PTPRD: variants seen among roughly 807,000 people sequenced by gnomAD.
PTPRD encodes the protein protein tyrosine phosphatase receptor type D.
A neutral mutation model predicts 214.5 loss-of-function variants in PTPRD; 34 were observed. The ratio of observed to expected loss-of-function variants is 0.16; its 90% confidence interval spans 0.12 to 0.21. The LOEUF is 0.21. PTPRD is among the 10% of genes least tolerant of loss of function. The probability of loss-of-function intolerance (pLI) is 1.00; values close to 1 mark genes in which losing one functional copy is unlikely to be tolerated. For missense variants in PTPRD, 2,545 were observed against 2,398.7 expected, an observed-to-expected ratio of 1.06 and a Z score of -1.27; for synonymous variants, 1,128 against 845.7, an observed-to-expected ratio of 1.33 and a Z score of -5.79.
At chr9:9,892,230 G>A (rs926842418) in intron 5 of PTPRD, among the ~76,000 whole-genome samples, 9 of 152,158 alleles carry the variant, frequency 5.9e-5, no homozygotes, top group African/African-American at 2.2e-4. Flanking sequence ...AATAAAGGAG[G>A]AAAGGAATGG....
At chr9:10,438,297 A>C (rs1046331086) in intron 2 of PTPRD, among the ~76,000 whole-genome samples, 6 of 151,572 alleles carry the variant, frequency 4.0e-5, no homozygotes, top group African/African-American at 1.5e-4. Context: ...TGGAATTATA[A>C]GGGTTCCATT....
chr9:10,024,815 G>A (rs1481849695), intron 4 of PTPRD, among the ~76,000 whole-genome samples: 131 of 122,418 alleles, frequency 1.1e-3, no homozygotes, highest in African/African-American at 4.1e-3. Flanking sequence ...AGTGTGTGAT[G>A]TTCCCCTTCC....
intron 11 of PTPRD, among the ~76,000 whole-genome samples, chr9:8,867,565 A>T (rs1165307900): frequency 3.9e-5 from 6 of 152,140 alleles, no homozygotes; most frequent in Non-Finnish European, 7.3e-5. Flanking sequence ...TAATCCTTGC[A>T]CCCACCGTTC....
chr9:8,353,817 AATATATGTATATATGTATATATGT>A (rs200865664), intron 39 of PTPRD, among the ~76,000 whole-genome samples: 59,042 of 97,746 alleles, frequency 0.6, 17,757 homozygotes, highest in Non-Finnish European at 0.69. Context: ...CTCAAAAAAA[AATATATGTATATATGTATATATGT>A]ATATATGTAT....
At chr9:10,380,513 T>C (rs1416153563) in intron 2 of PTPRD, among the ~76,000 whole-genome samples, 2 of 152,074 alleles carry the variant, frequency 1.3e-5, no homozygotes, top group Non-Finnish European at 2.9e-5. Context: ...CATAGTACCC[T>C]TCACTAATCA....
At chr9:10,345,678 T>G (rs924987827) in intron 2 of PTPRD, among the ~76,000 whole-genome samples, 5 of 152,192 alleles carry the variant, frequency 3.3e-5, no homozygotes, top group African/African-American at 4.8e-5. Flanking sequence ...TGGACATTTG[T>G]GTTGGTTCCA....
intron 3 of PTPRD, among the ~76,000 whole-genome samples, chr9:10,047,360 G>C (rs2097425977): frequency 6.6e-6 from 1 of 151,284 alleles, no homozygotes; most frequent in South Asian, 2.1e-4. Context: ...GTGCTTGTGT[G>C]ATAATGCCTG....
chr9:9,598,869 A>C (rs750653875), intron 7 of PTPRD, among the ~76,000 whole-genome samples: 19 of 151,930 alleles, frequency 1.3e-4, no homozygotes, highest in Non-Finnish European at 2.4e-4. Flanking sequence ...ATTTTGGCCA[A>C]AGATTTCCTT....
chr9:9,447,430 G>A (rs746991250), intron 8 of PTPRD, among the ~76,000 whole-genome samples: 59 of 118,186 alleles, frequency 5.0e-4, no homozygotes, highest in Non-Finnish European at 8.7e-4. Flanking sequence ...ACTAAATACC[G>A]TATGTTCTCA....
chr9:10,508,459 G>A (rs2046830499), intron 2 of PTPRD, among the ~76,000 whole-genome samples: 1 of 152,094 alleles, frequency 6.6e-6, no homozygotes, highest in African/African-American at 2.4e-5. Context: ...TATACCCAAA[G>A]GATTATAAAT....
At chr9:9,195,252 A>C (rs562590353) in intron 9 of PTPRD, among the ~76,000 whole-genome samples, 4 of 152,136 alleles carry the variant, frequency 2.6e-5, no homozygotes, top group African/African-American at 9.6e-5. Context: ...TGGAATCTCA[A>C]TTTCAGCATG....
intron 15 of PTPRD, chr9:8,528,261 CAG>C: frequency 2.4e-6 from 1 of 421,948 alleles, no homozygotes; most frequent in Non-Finnish European, 4.1e-6. Flanking sequence ...CAAAAGAAAA[CAG>C]AGAAAGAAGA....
chr9:9,864,786 T>A (rs938633846), intron 5 of PTPRD, among the ~76,000 whole-genome samples: 4 of 152,124 alleles, frequency 2.6e-5, no homozygotes, highest in African/African-American at 9.7e-5. Context: ...AGCACTAGGA[T>A]TGCAGACATG....
At chr9:10,309,531 T>A (rs1164040068) in intron 3 of PTPRD, among the ~76,000 whole-genome samples, 1 of 151,186 alleles carries the variant, frequency 6.6e-6, no homozygotes, top group African/African-American at 2.4e-5. Context: ...TCTTTTTTTT[T>A]TTTTTGTATT....
At chr9:9,097,415 T>TG (rs2099785106) in intron 10 of PTPRD, among the ~76,000 whole-genome samples, 2 of 150,694 alleles carry the variant, frequency 1.3e-5, no homozygotes, top group Admixed American at 6.6e-5. Context: ...TTTTTTTTTT[T>TG]CTTTTTCTTT....
intron 8 of PTPRD, among the ~76,000 whole-genome samples, chr9:9,428,683 C>T (rs535026811): frequency 6.6e-6 from 1 of 152,110 alleles, no homozygotes; most frequent in Non-Finnish European, 1.5e-5. Context: ...TGTAAAAGAA[C>T]AGAAATTATA....
intron 9 of PTPRD, among the ~76,000 whole-genome samples, chr9:9,305,672 T>C (rs951947094): frequency 9.2e-5 from 14 of 152,088 alleles, no homozygotes; most frequent in Non-Finnish European, 1.5e-5. Flanking sequence ...AATGAGGTCA[T>C]ATTGAATTAG....
chr9:10,450,166 G>C lies in PTPRD; in HGVS notation c.-599-109149C>G, dbSNP rs189523503. 3.7e-3 allele frequency among the ~76,000 whole-genome samples: 566 copies of C among 151,648 alleles called. 2 individuals carry two copies. Among genetic ancestry groups the C allele is most frequent in the Non-Finnish European group, 5.6e-3 (382 of 67,990 alleles). ...ACCCTTGTTCACATGTTTATCTGATGACCTTCCCTCCACTATTGTCCTATG... is the reference window on the plus strand; with the variant it reads ...ACCCTTGTTCACATGTTTATCTGATCACCTTCCCTCCACTATTGTCCTATG... On this transcript the variant is annotated intron_variant, in intron 2 of 45. Coordinates refer to ENST00000381196, the MANE Select transcript of PTPRD (RefSeq NM_002839.4).
At chr9:9,557,709 T>A (rs1181524471) in intron 8 of PTPRD, among the ~76,000 whole-genome samples, 1 of 152,192 alleles carries the variant, frequency 6.6e-6, no homozygotes, top group Non-Finnish European at 1.5e-5. Flanking sequence ...TGATTCCAGA[T>A]TTTTTGATAA....
Sources: allele counts gnomAD v4.1 joint callset (sites outside exome capture counted in the v4.1 genomes callset), GRCh38; gene constraint gnomAD v4.1.1; transcripts MANE v1.5; gene names NCBI Gene and HGNC (gene_info 2026-07-23, HGNC 2026-07-21).